The following UPP2 variants were observed in gnomAD, a reference collection of about 807,000 sequenced individuals.
UPP2 encodes the protein uridine phosphorylase 2, also known as UPase 2.
Under a neutral mutation model 26.7 loss-of-function variants are expected in UPP2, and 23 were observed. The observed-to-expected ratio is 0.86, with a 90% CI of 0.62 to 1.22. The LOEUF is 1.22. Among genes scored for constraint, UPP2 ranks in the 50% most tolerant of loss-of-function variants. The pLI is 0.00. For missense variants in UPP2, 387 were observed against 396.7 expected, an observed-to-expected ratio of 0.98 and a Z score of 0.21; for synonymous variants, 127 against 141.3, an observed-to-expected ratio of 0.90 and a Z score of 0.72.
intron 3 of UPP2, among the ~76,000 whole-genome samples, chr2:158,048,272 C>T (rs1015179178): frequency 6.6e-6 from 1 of 152,086 alleles, no homozygotes; most frequent in Admixed American, 6.5e-5. Context: ...TGAGTGGGGC[C>T]CCCATGCTCA....
At chr2:158,125,989 C>T (rs138296248) in intron 6 of UPP2, among the ~76,000 whole-genome samples, 4 of 152,204 alleles carry the variant, frequency 2.6e-5, no homozygotes, top group African/African-American at 9.6e-5. Context: ...CATAAAATGC[C>T]GAGTTATCAA....
At chr2:158,122,818 C>T (rs1238830248) in intron 5 of UPP2, among the ~76,000 whole-genome samples, 6 of 152,124 alleles carry the variant, frequency 3.9e-5, no homozygotes, top group Admixed American at 2.0e-4. Flanking sequence ...ACACTCGCAT[C>T]GACATTACCT....
chr2:158,015,946 T>A (rs763006294), intron 3 of UPP2: 1 of 379,280 alleles, frequency 2.6e-6, no homozygotes, highest in Admixed American at 3.1e-5. Flanking sequence ...TTCTTTATAG[T>A]GGTATGAAAA....
At chr2:158,119,343 T>G (rs1683510631) in intron 4 of UPP2, among the ~76,000 whole-genome samples, 1 of 152,044 alleles carries the variant, frequency 6.6e-6, no homozygotes, top group Non-Finnish European at 1.5e-5. Context: ...GGTGGCAAAT[T>G]AACCCACTGT....
intron 3 of UPP2, among the ~76,000 whole-genome samples, chr2:158,087,255 T>A (rs1290977605): frequency 1.3e-5 from 2 of 152,198 alleles, no homozygotes; most frequent in Non-Finnish European, 2.9e-5. Flanking sequence ...CTCTTTGGCA[T>A]TTTTAACTAC....
intron 3 of UPP2, among the ~76,000 whole-genome samples, chr2:158,048,738 A>G (rs1682096000): frequency 6.6e-6 from 1 of 152,188 alleles, no homozygotes; most frequent in Non-Finnish European, 1.5e-5. Context: ...AAAAATTGTA[A>G]ATTAGCTATA....
chr2:157,999,893 TAA>T, intron 2 of UPP2, among the ~76,000 whole-genome samples: 1 of 151,750 alleles, frequency 6.6e-6, no homozygotes, highest in African/African-American at 2.4e-5. Context: ...AGAAGTACAC[TAA>T]AAACATCAAA....
At chr2:158,024,124 G>T (rs1432078449) in intron 3 of UPP2, among the ~76,000 whole-genome samples, 1 of 152,134 alleles carries the variant, frequency 6.6e-6, no homozygotes, top group Non-Finnish European at 1.5e-5. Context: ...AGGGACCCCA[G>T]CAACCTGCAT....
chr2:158,068,788 ATATATATATATATATTTTTTTTTTTTTTT>A (rs1682482694), intron 3 of UPP2, among the ~76,000 whole-genome samples: 1 of 21,682 alleles, frequency 4.6e-5, no homozygotes, highest in African/African-American at 2.1e-4. Flanking sequence ...ATATATATAT[ATATATATATATATATTTTTTTTTTTTTTT>A]TTTTTTTTTT....
At chr2:158,000,512 C>T (rs567127421) in intron 2 of UPP2, among the ~76,000 whole-genome samples, 189 of 152,312 alleles carry the variant, frequency 1.2e-3, no homozygotes, top group Middle Eastern at 6.8e-3. Flanking sequence ...TCCATCTATC[C>T]CTTTTCTCTC....
chr2:158,054,980 C>T (rs1454166456), intron 3 of UPP2, among the ~76,000 whole-genome samples: 1 of 152,206 alleles, frequency 6.6e-6, no homozygotes, highest in East Asian at 1.9e-4. Flanking sequence ...TCCCTAGCCC[C>T]TGACAACCAC....
intron 2 of UPP2, among the ~76,000 whole-genome samples, chr2:158,001,263 T>C (rs1290720701): frequency 6.6e-6 from 1 of 152,150 alleles, no homozygotes; most frequent in East Asian, 1.9e-4. Context: ...AAGGAGATTA[T>C]TTATAAAGGT....
At chr2:158,131,896 G>T (rs1683826802) in intron 6 of UPP2, among the ~76,000 whole-genome samples, 1 of 152,216 alleles carries the variant, frequency 6.6e-6, no homozygotes, top group Non-Finnish European at 1.5e-5. Context: ...CACTGAGATT[G>T]CTATAACCTG....
chr2:158,098,864 A>G (rs1257613567), upstream of UPP2, among the ~76,000 whole-genome samples: 1 of 152,200 alleles, frequency 6.6e-6, no homozygotes, highest in Non-Finnish European at 1.5e-5. Context: ...AAAATACTGT[A>G]CATTTTCTTT....
chr2:158,003,517 G>A (rs1437178055), intron 2 of UPP2, among the ~76,000 whole-genome samples: 1 of 152,040 alleles, frequency 6.6e-6, no homozygotes, highest in Non-Finnish European at 1.5e-5. Flanking sequence ...AGACCAGCCT[G>A]GCCAAAATGG....
intron 6 of UPP2, among the ~76,000 whole-genome samples, chr2:158,129,229 C>T (rs1683758796): frequency 6.6e-6 from 1 of 152,002 alleles, no homozygotes; most frequent in African/African-American, 2.4e-5. Context: ...GGGAGGCTAT[C>T]TGGATTCCCC....
At chr2:158,120,523 A>G (rs1481244960) in intron 4 of UPP2, among the ~76,000 whole-genome samples, 1 of 152,058 alleles carries the variant, frequency 6.6e-6, no homozygotes, top group Non-Finnish European at 1.5e-5. Context: ...TCTTGACTTT[A>G]TAGAGTTTAT....
At chr2:158,120,039 T>C (rs1033793437) in intron 4 of UPP2, among the ~76,000 whole-genome samples, 4 of 151,270 alleles carry the variant, frequency 2.6e-5, no homozygotes, top group African/African-American at 9.7e-5. Context: ...TAAAAATAAA[T>C]TAAAAAAAAA....
intron 3 of UPP2, among the ~76,000 whole-genome samples, chr2:158,069,374 A>T (rs1478477773): frequency 6.6e-6 from 1 of 152,110 alleles, no homozygotes; most frequent in Admixed American, 6.5e-5. Context: ...ATTGCAGGAG[A>T]AAGGGGTTTG....
Sources: allele counts gnomAD v4.1 joint callset (sites outside exome capture counted in the v4.1 genomes callset), GRCh38; gene constraint gnomAD v4.1.1; transcripts MANE v1.5; gene names NCBI Gene and HGNC (gene_info 2026-07-23, HGNC 2026-07-21).